The following SDR42E2 variants were observed in gnomAD, a reference collection of about 807,000 sequenced individuals.
The protein encoded by SDR42E2 is putative short-chain dehydrogenase/reductase family 42E member 2.
In SDR42E2, 20 loss-of-function variants were observed where a neutral mutation model predicts 10.5. The ratio of observed to expected loss-of-function variants is 1.90; its 90% CI spans 1.34 to 2.77. SDR42E2 has a LOEUF of 2.77. SDR42E2 is among the 30% of genes most tolerant of loss of function. The pLI is 0.00. For synonymous variants in SDR42E2, 72 were observed against 39.2 expected (o/e 1.84, Z -3.12); for missense variants, 162 against 104.2 (o/e 1.55, Z -2.42).
chr16:22,182,750 A>T (rs1378426587), intron 10 of SDR42E2, among the ~76,000 whole-genome samples: 1 of 152,200 alleles, frequency 6.6e-6, no homozygotes, highest in East Asian at 1.9e-4. Flanking sequence ...CTGTAAGCCC[A>T]GCACTTTGGG....
In SDR42E2 at chr16:22,166,947, G is replaced by C. The variant is rs1248563221; in HGVS notation, c.284G>C (p.Gly95Ala). ...DEEALYRAFE[G>A]VDCVFHVASY... ...GAAGCCCTGTACCGTGCCTTCGAAG[G>C]GGTGGACTGTGTCTTCCACGTGGCT... Residue 95 changes from glycine (G) to alanine (A), a missense_variant, in exon 4 of 13, where the codon GGG becomes GCG. Physicochemically the swap from Gly to Ala is moderately conservative, Grantham distance 60 (BLOSUM62 0). Transcript: ENST00000602312. The C allele has an allele frequency of 1.4e-6, 1 of 701,746 alleles. No individual in the cohort carries two copies. The highest frequency in any genetic ancestry group is 2.0e-5 in the Admixed American group (1 of 49,916). The allele number at this position is 701,746 out of a possible 1,614,324, so 43.5% of individuals were successfully genotyped here.
intron 7 of SDR42E2, among the ~76,000 whole-genome samples, chr16:22,175,972 G>A (rs1019490525): frequency 8.7e-5 from 13 of 150,200 alleles, no homozygotes; most frequent in African/African-American, 1.5e-4. Context: ...CAGCCTGCGC[G>A]ACAGAGCAAG....
chr16:22,182,386 C>A (rs1364391221), intron 10 of SDR42E2, 109 bp downstream of exon 10: 2 of 392,234 alleles, frequency 5.1e-6, no homozygotes, highest in Middle Eastern at 3.8e-4. Flanking sequence ...TTGCTCTTGT[C>A]ACCCAGGCTG....
chr16:22,171,070 G>T (rs577549295), intron 6 of SDR42E2, 119 bp downstream of exon 6: 1 of 662,888 alleles, frequency 1.5e-6, no homozygotes, highest in Admixed American at 2.1e-5. Flanking sequence ...TAGCAGGAAG[G>T]GGCTCCCAAA....
Position 22,166,520 on chromosome 16 carries a change from T to G in SDR42E2, c.240+86T>G, listed in dbSNP as rs557318767. 4 of 402,608 alleles carry G rather than the reference T, an allele frequency of 9.9e-6. No homozygotes were observed. In the South Asian group the frequency reaches 4.0e-4, roughly 40 times the overall value. 24.9% of individuals were successfully genotyped at this position (402,608 alleles called of 1,614,324 possible). On this transcript the variant is annotated intron_variant, in intron 3 of 12. Transcript: ENST00000602312. The stretch of plus-strand genomic sequence containing the variant: ...GATGTGAAACCTGTGGTGTGGAGTT[T>G]AGGGGCACACTGTTTGAAGCCAGAC...
chr16:22,184,470 C>T (rs1299423406), intron 11 of SDR42E2, among the ~76,000 whole-genome samples: 4 of 152,046 alleles, frequency 2.6e-5, no homozygotes, highest in Non-Finnish European at 4.4e-5. Flanking sequence ...GGTGTGGTGG[C>T]GCACGCCTGT....
chr16:22,180,868 A>C (rs1293136765), intron 8 of SDR42E2, among the ~76,000 whole-genome samples: 1 of 152,166 alleles, frequency 6.6e-6, no homozygotes, highest in Non-Finnish European at 1.5e-5. Flanking sequence ...TTAGCTGAGC[A>C]TGGTGGTTTG....
intron 5 of SDR42E2, among the ~76,000 whole-genome samples, chr16:22,169,908 T>A (rs2046581056): frequency 6.6e-6 from 1 of 152,008 alleles, no homozygotes; most frequent in Admixed American, 6.6e-5. Flanking sequence ...GGCGGGTGCC[T>A]GCAGTCCCAC....
intron 5 of SDR42E2, among the ~76,000 whole-genome samples, chr16:22,170,480 G>T (rs1200701454): frequency 2.0e-5 from 3 of 152,190 alleles, no homozygotes; most frequent in Non-Finnish European, 1.5e-5. Flanking sequence ...TTTGATTCTA[G>T]AGTGTCTTTT....
intron 1 of SDR42E2, among the ~76,000 whole-genome samples, 159 bp downstream of exon 1, chr16:22,162,723 C>G (rs1056374153): frequency 1.3e-5 from 2 of 152,220 alleles, no homozygotes; most frequent in African/African-American, 2.4e-5. Flanking sequence ...TTTGCCAGTT[C>G]CTTCCACCAA....
chr16:22,166,385 A>C lies in SDR42E2; in HGVS notation c.191A>C (p.Asp64Ala), dbSNP rs76779187. 2.5e-6 allele frequency: 1 copy of C among 402,332 alleles called. No homozygotes were observed. Among genetic ancestry groups the C allele is most frequent in the African/African-American group, 2.1e-5 (1 of 48,738 alleles). 24.9% of individuals were successfully genotyped at this position (402,332 alleles called of 1,614,324 possible). ...AGCGGCACTTCCGTCATTCTGCTTGACCGCCGCAGACCCCAGTGGGAACTG... is the reference window on the plus strand; with the variant it reads ...AGCGGCACTTCCGTCATTCTGCTTGCCCGCCGCAGACCCCAGTGGGAACTG... ...AKSGTSVILL[D>A]RRRPQWELSP... The change falls in exon 3 of 13, where the codon GAC becomes GCC. Residue 64 changes from aspartate (D) to alanine (A), a missense_variant. By Grantham distance (126) the Asp-to-Ala change is moderately radical. Coordinates refer to ENST00000602312, the MANE Select transcript of SDR42E2 (RefSeq NM_001394319.2).
chr16:22,169,514 G>A lies in SDR42E2; in HGVS notation c.394+12G>A. The A allele has an allele frequency of 1.4e-6, 1 of 703,492 alleles. No homozygotes were observed. The highest frequency in any genetic ancestry group is 2.6e-6 in the Non-Finnish European group (1 of 385,120). 43.6% of individuals were successfully genotyped at this position (703,492 alleles called of 1,614,324 possible). On this transcript the variant is annotated intron_variant, in intron 5 of 12. Coordinates refer to ENST00000602312, the MANE Select transcript of SDR42E2 (RefSeq NM_001394319.2). ...ACTAGTGATTGATGGTAGGTGCTCA[G>A]AGCCGGGTATGACCTGCTGTGCCTC...
chr16:22,168,541 C>T (rs1177954417), intron 4 of SDR42E2, among the ~76,000 whole-genome samples: 1 of 151,716 alleles, frequency 6.6e-6, no homozygotes, highest in Admixed American at 6.6e-5. Flanking sequence ...GCTGGGATTA[C>T]AGGCATGAGA....
chr16:22,186,048 G>A (rs943386736), intron 11 of SDR42E2, among the ~76,000 whole-genome samples: 3 of 151,898 alleles, frequency 2.0e-5, no homozygotes, highest in Non-Finnish European at 2.9e-5. Context: ...GTTCTCACAA[G>A]TATTATTTTT....
intron 7 of SDR42E2, among the ~76,000 whole-genome samples, chr16:22,172,677 A>G (rs2046611538): frequency 6.6e-6 from 1 of 152,200 alleles, no homozygotes; most frequent in African/African-American, 2.4e-5. Context: ...GTACCAAATT[A>G]TGAGTGTGGA....
chr16:22,169,980 C>T (rs140217699), intron 5 of SDR42E2, among the ~76,000 whole-genome samples: 5 of 151,630 alleles, frequency 3.3e-5, no homozygotes, highest in African/African-American at 1.2e-4. Context: ...TGCAGTGAGC[C>T]GAGATCGTGC....
chr16:22,184,706 C>T (rs2046723540), intron 11 of SDR42E2, among the ~76,000 whole-genome samples: 1 of 152,170 alleles, frequency 6.6e-6, no homozygotes, highest in African/African-American at 2.4e-5. Flanking sequence ...CGCAGCAGCT[C>T]CAAGCCTGAG....
At chr16:22,187,585 AT>A (rs1213536666) in intron 12 of SDR42E2, among the ~76,000 whole-genome samples, 3 of 149,418 alleles carry the variant, frequency 2.0e-5, no homozygotes, top group African/African-American at 7.5e-5. Flanking sequence ...ACAGATGGAG[AT>A]CCTGCCCCTA....
chr16:22,172,564 A>T (rs1416575855), intron 7 of SDR42E2, among the ~76,000 whole-genome samples: 1 of 152,184 alleles, frequency 6.6e-6, no homozygotes, highest in Admixed American at 6.5e-5. Flanking sequence ...GCCCTTACAT[A>T]GCTCACAGCT....
Sources: gnomAD v4.1 joint callset for allele counts (sites outside exome capture counted in the v4.1 genomes callset) on GRCh38, gnomAD v4.1.1 for gene constraint, MANE v1.5 for transcripts, NCBI Gene and HGNC (gene_info 2026-07-23, HGNC 2026-07-21) for gene names.